The following SPRR2G variants were observed in gnomAD, a reference collection of about 807,000 sequenced individuals.
The protein encoded by SPRR2G is small proline-rich protein 2G.
A neutral mutation model predicts 0.7 loss-of-function variants in SPRR2G; 1 was observed. That is an observed-to-expected ratio of 1.49 (90% CI 0.53 to 7.06). SPRR2G has a LOEUF of 7.06. SPRR2G is among the 30% of genes most tolerant of loss of function. The pLI is 0.14. For missense variants in SPRR2G, 96 were observed against 88.5 expected (o/e 1.09, Z -0.34); for synonymous variants, 38 against 33.9 (o/e 1.12, Z -0.42).
At chr1:153,197,228 AGG>A in the SPRR2G span, among the ~76,000 whole-genome samples, 6 of 151,328 alleles carry the variant, frequency 4.0e-5, no homozygotes, top group Non-Finnish European at 8.8e-5. Flanking sequence ...CCCTAGCTGC[AGG>A]GAAGGGGAGA....
At chr1:153,195,162 G>A in the SPRR2G span, among the ~76,000 whole-genome samples, 2 of 152,082 alleles carry the variant, frequency 1.3e-5, no homozygotes, top group Admixed American at 6.5e-5. Context: ...TACCACCAAA[G>A]CCAAAGAGGC....
chr1:153,165,892 C>T, the SPRR2G span, among the ~76,000 whole-genome samples: 1 of 152,182 alleles, frequency 6.6e-6, no homozygotes, highest in South Asian at 2.1e-4. Context: ...GCACAGGCTT[C>T]ATGGCCCCAC....
the SPRR2G span, among the ~76,000 whole-genome samples, chr1:153,195,365 G>T: frequency 1.3e-5 from 2 of 152,184 alleles, no homozygotes; most frequent in Non-Finnish European, 1.5e-5. Flanking sequence ...TCCAAGCAAG[G>T]ATTGGACACG....
the SPRR2G span, among the ~76,000 whole-genome samples, chr1:153,201,002 A>G: frequency 4.6e-5 from 7 of 152,110 alleles, no homozygotes; most frequent in African/African-American, 1.7e-4. Flanking sequence ...CACCGCGCCT[A>G]GCAAAAGCAG....
At chr1:153,191,731 C>T in the SPRR2G span, 1 of 152,148 alleles carries the variant, frequency 6.6e-6, no homozygotes, top group Admixed American at 6.5e-5. Flanking sequence ...CTTTGACAAC[C>T]ACTGGTCTAG....
chr1:153,155,558 C>T (rs74135371), upstream of SPRR2G, among the ~76,000 whole-genome samples: 988 of 152,210 alleles, frequency 6.5e-3, 13 homozygotes, highest in African/African-American at 0.023. Flanking sequence ...GATTTAAATC[C>T]ATCTTTCCAT....
chr1:153,149,781 G>C lies in SPRR2G; in HGVS notation c.*108C>G. 1 of 1,382,498 alleles carries C rather than the reference G, an allele frequency of 7.2e-7. No individual in the cohort carries two copies. Among genetic ancestry groups the C allele is most frequent in the Non-Finnish European group, 1.0e-6 (1 of 985,318 alleles). The allele number at this position is 1,382,498 out of a possible 1,614,324, so 85.6% of individuals were successfully genotyped here. ...CAACGCTCAAGCCAGACAGAGGTTA[G>C]GGAAGATGCAGCCTCCCACTACAGC... is the stretch of plus-strand genomic sequence containing the variant. On this transcript the variant is annotated 3_prime_UTR_variant, in exon 2 of 2. Transcript: ENST00000368748.
chr1:153,149,725 A>T lies in SPRR2G; in HGVS notation c.*164T>A. 1 of 857,204 alleles carries T rather than the reference A, an allele frequency of 1.2e-6. No individual in the cohort carries two copies. The highest frequency in any genetic ancestry group is 1.8e-6 in the Non-Finnish European group (1 of 548,832). 53.1% of individuals were successfully genotyped at this position (857,204 alleles called of 1,614,324 possible). ...CTGGCTGCTCATCTTCCAACAACAT[A>T]TCGGTTTTCAGAACTAAGCCTTTTC... On this transcript the variant is annotated 3_prime_UTR_variant, in exon 2 of 2. Coordinates refer to ENST00000368748, the MANE Select transcript of SPRR2G (RefSeq NM_001014291.4).
At chr1:153,199,929 A>G in the SPRR2G span, among the ~76,000 whole-genome samples, 5 of 152,250 alleles carry the variant, frequency 3.3e-5, no homozygotes, top group South Asian at 4.2e-4. Context: ...TTGTTCAACA[A>G]GAATTACACA....
the SPRR2G span, among the ~76,000 whole-genome samples, chr1:153,165,878 T>C: frequency 6.6e-6 from 1 of 152,198 alleles, no homozygotes; most frequent in African/African-American, 2.4e-5. Context: ...TCTGTGACTG[T>C]GAGGCACAGG....
chr1:153,179,489 C>A, the SPRR2G span, among the ~76,000 whole-genome samples: 1 of 152,066 alleles, frequency 6.6e-6, no homozygotes, highest in Non-Finnish European at 1.5e-5. Context: ...AATGTCACGC[C>A]TATCATTTGT....
At chr1:153,200,722 C>T in the SPRR2G span, among the ~76,000 whole-genome samples, 5 of 140,520 alleles carry the variant, frequency 3.6e-5, no homozygotes, top group South Asian at 2.2e-4. Flanking sequence ...TTTTTTGAGA[C>T]GGAGTCTCAC....
At chr1:153,171,021 G>A in the SPRR2G span, among the ~76,000 whole-genome samples, 1 of 152,180 alleles carries the variant, frequency 6.6e-6, no homozygotes, top group Non-Finnish European at 1.5e-5. Flanking sequence ...CCTTGGCAGT[G>A]ACATCACATG....
At chr1:153,200,244 G>A in the SPRR2G span, among the ~76,000 whole-genome samples, 1 of 152,178 alleles carries the variant, frequency 6.6e-6, no homozygotes, top group Admixed American at 6.5e-5. Flanking sequence ...GCCACCAGGA[G>A]CTTTGGCTGG....
At chr1:153,166,792 G>A in the SPRR2G span, among the ~76,000 whole-genome samples, 1 of 152,136 alleles carries the variant, frequency 6.6e-6, no homozygotes. Flanking sequence ...AACTCTCTTG[G>A]GACAACTGAT....
chr1:153,166,187 A>G, the SPRR2G span, among the ~76,000 whole-genome samples: 1 of 152,148 alleles, frequency 6.6e-6, no homozygotes, highest in African/African-American at 2.4e-5. Flanking sequence ...CCAGAGAATC[A>G]TTCCTAATCT....
At chr1:153,196,126 T>C in the SPRR2G span, among the ~76,000 whole-genome samples, 12 of 152,222 alleles carry the variant, frequency 7.9e-5, no homozygotes, top group African/African-American at 2.9e-4. Context: ...TACAATGCAA[T>C]ATTGTTGACT....
the SPRR2G span, among the ~76,000 whole-genome samples, chr1:153,193,030 A>G: frequency 6.6e-6 from 1 of 152,116 alleles, no homozygotes; most frequent in East Asian, 1.9e-4. Context: ...TTGAGAGATT[A>G]GGTAAACCTT....
At chr1:153,162,030 A>G in the SPRR2G span, among the ~76,000 whole-genome samples, 1 of 152,086 alleles carries the variant, frequency 6.6e-6, no homozygotes, top group Non-Finnish European at 1.5e-5. Context: ...TTTAAGTTCA[A>G]GGGTACATGT....
Sources: allele counts gnomAD v4.1 joint callset (sites outside exome capture counted in the v4.1 genomes callset), GRCh38; gene constraint gnomAD v4.1.1; transcripts MANE v1.5; gene names NCBI Gene and HGNC (gene_info 2026-07-23, HGNC 2026-07-21).